Variants in LGSN observed in about 807,000 individuals in gnomAD.
The protein encoded by LGSN is lengsin.
A neutral mutation model predicts 19.5 loss-of-function variants in LGSN; 21 were observed. That is an observed-to-expected ratio of 1.07 (90% CI 0.76 to 1.55). The LOEUF (loss-of-function observed/expected upper bound fraction) is 1.55, where lower values mean the gene tolerates loss of function less well. LGSN is among the 40% of genes most tolerant of loss of function. The probability of loss-of-function intolerance (pLI) is 0.00; values close to 1 mark genes in which losing one functional copy is unlikely to be tolerated. For synonymous variants in LGSN, 257 were observed against 215.6 expected (o/e 1.19, Z -1.68); for missense variants, 673 against 608.5 (o/e 1.11, Z -1.12).
At chr6:63,448,652 A>AT in the LGSN span, among the ~76,000 whole-genome samples, 4 of 149,236 alleles carry the variant, frequency 2.7e-5, no homozygotes, top group South Asian at 4.3e-4. Flanking sequence ...TTAAATCCAC[A>AT]TTTTTTTATT....
the LGSN span, among the ~76,000 whole-genome samples, chr6:63,556,400 C>G: frequency 2.6e-5 from 4 of 151,624 alleles, no homozygotes; most frequent in East Asian, 7.8e-4. Context: ...AGGCTGGTCT[C>G]AAGCTCCTGG....
At chr6:63,471,696 A>G in the LGSN span, among the ~76,000 whole-genome samples, 1 of 151,906 alleles carries the variant, frequency 6.6e-6, no homozygotes, top group African/African-American at 2.4e-5. Flanking sequence ...GACCAATATA[A>G]TGGAATGAAG....
the LGSN span, among the ~76,000 whole-genome samples, chr6:63,462,163 T>C: frequency 6.6e-6 from 1 of 152,208 alleles, no homozygotes; most frequent in Non-Finnish European, 1.5e-5. Flanking sequence ...ACTTATCATC[T>C]TATAAAAACT....
At chr6:63,335,637 A>G in the LGSN span, among the ~76,000 whole-genome samples, 1 of 152,220 alleles carries the variant, frequency 6.6e-6, no homozygotes, top group African/African-American at 2.4e-5. Context: ...CCCACTTAGA[A>G]TGGCTATTGT....
the LGSN span, among the ~76,000 whole-genome samples, chr6:63,356,378 A>T: frequency 6.6e-6 from 1 of 151,786 alleles, no homozygotes; most frequent in Non-Finnish European, 1.5e-5. Context: ...CATCTCTACT[A>T]AAAAAATACA....
At chr6:63,284,380 C>T (rs776956710) in intron 3 of LGSN, among the ~76,000 whole-genome samples, 1 of 151,974 alleles carries the variant, frequency 6.6e-6, no homozygotes, top group Non-Finnish European at 1.5e-5. Context: ...TTTTCAGTAG[C>T]AGTTGGATAA....
At chr6:63,432,102 AAAGAAAGAAAGAAAG>A in the LGSN span, among the ~76,000 whole-genome samples, 57 of 88,036 alleles carry the variant, frequency 6.5e-4, no homozygotes, top group South Asian at 1.7e-3. Context: ...AGAAAGAAAG[AAAGAAAGAAAGAAAG>A]AAAGAAAGAA....
the LGSN span, among the ~76,000 whole-genome samples, chr6:63,421,661 GA>G: frequency 6.6e-6 from 1 of 152,074 alleles, no homozygotes; most frequent in East Asian, 1.9e-4. Flanking sequence ...CCGGGAGGCG[GA>G]GGTTGCAATG....
the LGSN span, among the ~76,000 whole-genome samples, chr6:63,344,251 G>A: frequency 3.3e-4 from 51 of 152,326 alleles, no homozygotes; most frequent in African/African-American, 1.2e-3. Flanking sequence ...CTAGAAATAA[G>A]CATGGCTTGG....
the LGSN span, chr6:63,480,169 C>T: frequency 9.1e-6 from 2 of 220,154 alleles, no homozygotes; most frequent in Admixed American, 8.5e-5. Flanking sequence ...CCACTGGCCT[C>T]CAGGTGCACA....
chr6:63,315,671 C>G (rs1223933155), intron 1 of LGSN, among the ~76,000 whole-genome samples: 1 of 150,414 alleles, frequency 6.6e-6, no homozygotes, highest in Non-Finnish European at 1.5e-5. Context: ...TGCTCTCACT[C>G]TCTATATATC....
chr6:63,379,421 C>T, the LGSN span, among the ~76,000 whole-genome samples: 2 of 152,156 alleles, frequency 1.3e-5, no homozygotes, highest in Non-Finnish European at 2.9e-5. Flanking sequence ...AGGGCCTCAG[C>T]GTAGCATCCA....
At chr6:63,533,569 T>A in the LGSN span, among the ~76,000 whole-genome samples, 1 of 152,180 alleles carries the variant, frequency 6.6e-6, no homozygotes, top group Non-Finnish European at 1.5e-5. Flanking sequence ...TTGTTTAATC[T>A]TGAATACAAA....
chr6:63,572,473 C>G, the LGSN span: 1 of 387,754 alleles, frequency 2.6e-6, no homozygotes, highest in Non-Finnish European at 4.6e-6. Flanking sequence ...GCTTGTGACG[C>G]AAGGGCGCCT....
the LGSN span, among the ~76,000 whole-genome samples, chr6:63,507,676 C>T: frequency 6.6e-6 from 1 of 152,158 alleles, no homozygotes; most frequent in African/African-American, 2.4e-5. Flanking sequence ...AAGCCTGATT[C>T]TTCATCCTTT....
chr6:63,434,621 AAAAG>A, the LGSN span, among the ~76,000 whole-genome samples: 19 of 150,682 alleles, frequency 1.3e-4, no homozygotes, highest in East Asian at 3.9e-4. Context: ...AAAAAAAAAA[AAAAG>A]AAAGAAAGAA....
the LGSN span, among the ~76,000 whole-genome samples, chr6:63,359,290 T>A: frequency 6.6e-6 from 1 of 152,216 alleles, no homozygotes; most frequent in Non-Finnish European, 1.5e-5. Context: ...TGGTCTAAAA[T>A]TCTCTTTTTT....
the LGSN span, among the ~76,000 whole-genome samples, chr6:63,428,082 T>C: frequency 6.6e-6 from 1 of 152,190 alleles, no homozygotes; most frequent in Non-Finnish European, 1.5e-5. Context: ...TTTGTGATTT[T>C]CCTCATGCTG....
chr6:63,329,872 C>G, the LGSN span, among the ~76,000 whole-genome samples: 5 of 152,210 alleles, frequency 3.3e-5, no homozygotes, highest in Non-Finnish European at 7.3e-5. Flanking sequence ...GGGAGAAATA[C>G]CTGGTTACAG....
Sources: gnomAD v4.1 joint callset for allele counts (sites outside exome capture counted in the v4.1 genomes callset) on GRCh38, gnomAD v4.1.1 for gene constraint, MANE v1.5 for transcripts, NCBI Gene and HGNC (gene_info 2026-07-23, HGNC 2026-07-21) for gene names.